BMX: variants seen among roughly 807,000 people sequenced by gnomAD.
The protein encoded by BMX is BMX non-receptor tyrosine kinase.
A neutral mutation model predicts 59.2 loss-of-function variants in BMX; 31 were observed. That is an observed-to-expected ratio of 0.52 (90% CI 0.39 to 0.71). BMX has a LOEUF of 0.71. Ranked by LOEUF, BMX falls within the 30% of genes least tolerant of loss-of-function variation. The pLI, the probability that BMX is intolerant of heterozygous loss-of-function variation, is 0.00. For missense variants in BMX, 474 were observed against 491.7 expected, an observed-to-expected ratio of 0.96 and a Z score of 0.34; for synonymous variants, 185 against 181.0, an observed-to-expected ratio of 1.02 and a Z score of -0.18.
At chrX:15,507,281 T>G (rs1923776134) in intron 1 of BMX, 1 of 710,699 alleles carries the variant, frequency 1.4e-6, no homozygotes, top group Non-Finnish European at 1.7e-6. Context: ...TATCTTCTTT[T>G]TAATGCATGA....
In BMX at chrX:15,547,946, C is replaced by G. The variant is rs201478222; in HGVS notation, c.1795+1025C>G. Among the ~76,000 whole-genome samples the G allele has an allele frequency of 1.6e-4, 18 of 111,464 alleles. No individual in the cohort carries two copies. The East Asian group carries it at 4.5e-3, about 28-fold the overall frequency. ...AATTTGATTTACTGCTTGTCACCTACAAGACTGCCTTTGAAAAGGGGAAAA... is the reference window on the plus strand; with the variant it reads ...AATTTGATTTACTGCTTGTCACCTAGAAGACTGCCTTTGAAAAGGGGAAAA... On this transcript the variant is annotated intron_variant, in intron 17 of 18. Coordinates refer to ENST00000348343, the MANE Select transcript of BMX (RefSeq NM_203281.3).
At chrX:15,553,880 C>T (rs748684615) in intron 18 of BMX, among the ~76,000 whole-genome samples, 13 of 111,901 alleles carry the variant, frequency 1.2e-4, no homozygotes, top group Non-Finnish European at 2.3e-4. Context: ...GAGGAACTGC[C>T]TTCTTCTCAT....
chrX:15,550,827 C>A lies in BMX; in HGVS notation c.1953+830C>A, dbSNP rs1032232356. Reference sequence around the variant, plus strand: ...TGATTACTTTTGCACCAACCTAATACAAGAAGCGCTCAGAGGAAAGAGAAA... The same window carrying A: ...TGATTACTTTTGCACCAACCTAATAAAAGAAGCGCTCAGAGGAAAGAGAAA... On this transcript the variant is annotated intron_variant, in intron 18 of 18. Coordinates refer to ENST00000348343, the MANE Select transcript of BMX (RefSeq NM_203281.3). Among the ~76,000 whole-genome samples, 4 of 111,228 alleles carry A rather than the reference C, an allele frequency of 3.6e-5. No individual in the cohort carries two copies. The Admixed American group carries it at 3.8e-4, about 11-fold the overall frequency.
At chrX:15,538,929 C>A (rs1925514331) in intron 14 of BMX, among the ~76,000 whole-genome samples, 1 of 111,050 alleles carries the variant, frequency 9.0e-6, no homozygotes, top group Non-Finnish European at 1.9e-5. Context: ...CTAGAAGGTA[C>A]CTAGAAGGGC....
intron 6 of BMX, among the ~76,000 whole-genome samples, chrX:15,519,660 G>A (rs1341115560): frequency 8.9e-6 from 1 of 111,805 alleles, no homozygotes; most frequent in African/African-American, 3.3e-5. Context: ...AAGAAAAGAG[G>A]TTTATTTAGC....
intron 1 of BMX, among the ~76,000 whole-genome samples, chrX:15,506,087 T>C (rs1923730546): frequency 9.0e-6 from 1 of 110,608 alleles, no homozygotes; most frequent in Non-Finnish European, 1.9e-5. Context: ...AGACAGGATC[T>C]CACTATGTTT....
intron 14 of BMX, among the ~76,000 whole-genome samples, chrX:15,539,205 G>T (rs1212921913): frequency 9.0e-6 from 1 of 110,597 alleles, no homozygotes; most frequent in African/African-American, 3.3e-5. Context: ...TGTAACCTCT[G>T]TGTCTTGGTG....
rs755772429 is a variant in BMX at position 15,531,383 on chromosome X, T to A, written c.995T>A (p.Val332Glu). The change falls in exon 11 of 19, where the codon GTG becomes GAG. Residue 332 changes from valine (V) to glutamate (E), a missense_variant. Coordinates refer to ENST00000348343, the MANE Select transcript of BMX (RefSeq NM_203281.3). The part of the protein sequence containing the change: ...RNSSQVGMYT[V>E]SLFSKAVNDK... ...TCGAGCCAAGTGGGAATGTACACAGTGTCCTTATTTAGTAAGGCTGTGAAG... is the reference window on the plus strand; with the variant it reads ...TCGAGCCAAGTGGGAATGTACACAGAGTCCTTATTTAGTAAGGCTGTGAAG... 1.7e-6 allele frequency: 2 copies of A among 1,206,599 alleles called. No individual in the cohort carries two copies. The highest frequency in any genetic ancestry group is 2.2e-6 in the Non-Finnish European group (2 of 891,094).
chrX:15,549,152 G>A (rs1247592729), intron 17 of BMX, among the ~76,000 whole-genome samples: 1 of 110,634 alleles, frequency 9.0e-6, no homozygotes, highest in African/African-American at 3.3e-5. Flanking sequence ...GACCAGAACC[G>A]AGATTTCTTA....
intron 7 of BMX, 50 bp downstream of exon 7, chrX:15,522,637 C>T: frequency 8.4e-7 from 1 of 1,190,714 alleles, no homozygotes; most frequent in Admixed American, 2.3e-5. Context: ...GTAAACACTA[C>T]CCCGGCTGCC....
At position 15,525,285 on chromosome X, in the gene BMX, C is replaced by T; in HGVS notation, c.753-3C>T. Reference sequence around the variant, plus strand: ...AAACTTATAAAATGTCTCTTTTTTGCAGTAGCAGCAGCAGTGAAGATGTTG... The same window carrying T: ...AAACTTATAAAATGTCTCTTTTTTGTAGTAGCAGCAGCAGTGAAGATGTTG... On this transcript the variant is annotated splice_polypyrimidine_tract_variant and splice_region_variant and intron_variant, in intron 7 of 18. Coordinates refer to ENST00000348343, the MANE Select transcript of BMX (RefSeq NM_203281.3). 1 of 1,201,627 alleles carries T rather than the reference C, an allele frequency of 8.3e-7. No individual in the cohort carries two copies. Among genetic ancestry groups the T allele is most frequent in the Non-Finnish European group, 1.1e-6 (1 of 889,792 alleles).
rs1027293741 is a variant in BMX, at chrX:15,556,244, A to G, written c.*97A>G. Reference sequence around the variant, plus strand: ...TAGCAAGGCATAATGTAATTTAGCTAGTTTTTAATAGTGTTCTCTGTATTG... The same window carrying G: ...TAGCAAGGCATAATGTAATTTAGCTGGTTTTTAATAGTGTTCTCTGTATTG... On this transcript the variant is annotated 3_prime_UTR_variant, in exon 19 of 19. Coordinates refer to ENST00000348343, the MANE Select transcript of BMX (RefSeq NM_203281.3). The G allele has an allele frequency of 8.2e-6, 6 of 730,583 alleles. No homozygotes were observed. In the African/African-American group the frequency reaches 1.1e-4, roughly 13 times the overall value. The allele number at this position is 730,583 out of a possible 1,213,427, so 60.2% of individuals were successfully genotyped here.
rs1400644510 is a variant in BMX at position 15,541,406 on chromosome X, G to A, written c.1395-576G>A. ...AAAATCTGAGTGTCCATGCCATCAT[G>A]ACCTACCAGAAGTGCTACATCATAT... On this transcript the variant is annotated intron_variant, in intron 14 of 18. Coordinates refer to ENST00000348343, the MANE Select transcript of BMX (RefSeq NM_203281.3). Among the ~76,000 whole-genome samples the A allele has an allele frequency of 2.7e-5, 3 of 110,085 alleles. No individual in the cohort carries two copies. The East Asian group carries it at 8.5e-4, about 31-fold the overall frequency.
intron 16 of BMX, among the ~76,000 whole-genome samples, chrX:15,543,837 C>G (rs955717097): frequency 4.5e-5 from 5 of 111,709 alleles, no homozygotes; most frequent in Admixed American, 3.8e-4. Flanking sequence ...TTAAAGTCTT[C>G]TTTTACCTTA....
intron 9 of BMX, among the ~76,000 whole-genome samples, chrX:15,528,089 G>A (rs779260450): frequency 2.1e-4 from 24 of 112,336 alleles, no homozygotes; most frequent in Admixed American, 3.8e-4. Flanking sequence ...CATCTTTTCT[G>A]AATGCAAGTG....
intron 18 of BMX, 46 bp downstream of exon 18, chrX:15,550,043 C>T (rs1376774883): frequency 3.6e-5 from 42 of 1,154,959 alleles, no homozygotes; most frequent in South Asian, 1.1e-4. Flanking sequence ...CAGGCACATC[C>T]GGGGTGATTA....
chrX:15,532,067 C>G (rs1456509175), intron 11 of BMX, among the ~76,000 whole-genome samples: 2 of 111,982 alleles, frequency 1.8e-5, no homozygotes, highest in African/African-American at 6.5e-5. Flanking sequence ...ATGATTGTTA[C>G]GTTCTATGAG....
intron 16 of BMX, among the ~76,000 whole-genome samples, chrX:15,543,816 C>T (rs1324215371): frequency 2.7e-5 from 3 of 111,768 alleles, no homozygotes; most frequent in Non-Finnish European, 5.6e-5. Context: ...ATTTTGATTA[C>T]GATCGTTTTT....
intron 14 of BMX, among the ~76,000 whole-genome samples, chrX:15,539,069 G>A (rs966724460): frequency 9.0e-6 from 1 of 111,034 alleles, no homozygotes; most frequent in East Asian, 2.8e-4. Context: ...TATGTAACTG[G>A]TTCTGCCTTC....
Sources: gnomAD v4.1 joint callset for allele counts (sites outside exome capture counted in the v4.1 genomes callset) on GRCh38, gnomAD v4.1.1 for gene constraint, MANE v1.5 for transcripts, NCBI Gene and HGNC (gene_info 2026-07-23, HGNC 2026-07-21) for gene names.